The following STARD13 variants were observed in gnomAD, a reference collection of about 807,000 sequenced individuals.
STARD13 encodes the protein StAR related lipid transfer domain containing 13, also known as stAR-related lipid transfer protein 13.
Under a neutral mutation model 106.4 loss-of-function variants are expected in STARD13, and 62 were observed. That is an observed-to-expected ratio of 0.58 (90% confidence interval 0.48 to 0.72). The LOEUF is 0.72. Among genes scored for constraint, STARD13 ranks in the 30% least tolerant of loss-of-function variants. The probability of loss-of-function intolerance (pLI) is 0.00; values close to 1 mark genes in which losing one functional copy is unlikely to be tolerated. For missense variants in STARD13, 1,387 were observed against 1,424.0 expected (o/e 0.97, Z 0.42); for synonymous variants, 565 against 553.0 (o/e 1.02, Z -0.31).
At chr13:33,364,868 G>A in the STARD13 span, among the ~76,000 whole-genome samples, 6 of 151,808 alleles carry the variant, frequency 4.0e-5, no homozygotes, top group Admixed American at 6.6e-5. Flanking sequence ...CAGCCTGGGA[G>A]ACAGAGCGAG....
At chr13:33,468,740 C>A in the STARD13 span, among the ~76,000 whole-genome samples, 2 of 152,122 alleles carry the variant, frequency 1.3e-5, no homozygotes, top group African/African-American at 4.8e-5. Context: ...TATAAGTTAC[C>A]CAGTTCCATG....
At chr13:33,659,228 T>C in the STARD13 span, among the ~76,000 whole-genome samples, 39 of 54,056 alleles carry the variant, frequency 7.2e-4, no homozygotes, top group African/African-American at 1.6e-3. Context: ...TTCTTTTTTT[T>C]TTTTTTTTAT....
chr13:33,429,493 C>T, the STARD13 span, among the ~76,000 whole-genome samples: 1 of 150,174 alleles, frequency 6.7e-6, no homozygotes, highest in Non-Finnish European at 1.5e-5. Context: ...CACTGCACTC[C>T]AGCCTGGGTG....
chr13:33,581,956 C>T, the STARD13 span, among the ~76,000 whole-genome samples: 1 of 152,258 alleles, frequency 6.6e-6, no homozygotes, highest in South Asian at 2.1e-4. Context: ...AATGGTGGCT[C>T]ATGCCTGTAA....
intron 1 of STARD13, among the ~76,000 whole-genome samples, chr13:33,224,247 A>T (rs1594129659): frequency 6.6e-6 from 1 of 152,222 alleles, no homozygotes; most frequent in African/African-American, 2.4e-5. Flanking sequence ...TAATGCTCTC[A>T]TCTTTTCAGG....
At chr13:33,642,520 C>T in the STARD13 span, among the ~76,000 whole-genome samples, 1 of 152,184 alleles carries the variant, frequency 6.6e-6, no homozygotes, top group African/African-American at 2.4e-5. Flanking sequence ...AAACTTGTCT[C>T]TTCTTGAAGG....
chr13:33,662,298 C>G, the STARD13 span, among the ~76,000 whole-genome samples: 4 of 151,948 alleles, frequency 2.6e-5, no homozygotes, highest in Non-Finnish European at 5.9e-5. Context: ...CTTGCCCAAC[C>G]ACCAAACTAT....
the STARD13 span, among the ~76,000 whole-genome samples, chr13:33,443,285 G>A: frequency 6.6e-6 from 1 of 151,758 alleles, no homozygotes; most frequent in African/African-American, 2.4e-5. Flanking sequence ...GCTGAGGCAG[G>A]AGAATGCCTT....
chr13:33,350,240 GC>G (rs996723795), intron 1 of STARD13: 1 of 1,497,196 alleles, frequency 6.7e-7, no homozygotes, highest in African/African-American at 1.4e-5. Context: ...GGGCTACGGG[GC>G]CGGCGCCTCC....
At chr13:33,320,501 T>C (rs1157521781) in intron 1 of STARD13, among the ~76,000 whole-genome samples, 1 of 152,244 alleles carries the variant, frequency 6.6e-6, no homozygotes. Flanking sequence ...CTAACTAGCA[T>C]GGAAAATGGC....
the STARD13 span, among the ~76,000 whole-genome samples, chr13:33,499,607 CTTCTTCTTCTT>C: frequency 5.2e-4 from 31 of 59,748 alleles, 2 homozygotes; most frequent in African/African-American, 8.5e-4. Context: ...CTTCTTCTTT[CTTCTTCTTCTT>C]CTTCTTCTTC....
At position 33,118,193 on chromosome 13, in the gene STARD13, G is replaced by C; in HGVS notation, c.2153C>G (p.Pro718Arg). Residue 718 changes from proline (P) to arginine (R), a missense_variant, in exon 8 of 14, where the codon CCT (proline) becomes CGT (arginine). Transcript: ENST00000336934. ...CTGGTCTTCATAGTTGACGTTCTCA[G>C]GGAAGTTTTCATTCATTTGGCGAAG... ...HALRQMNENF[P>R]ENVNYEDQSA... is the part of the protein sequence containing the mutation. 6.2e-7 allele frequency: 1 copy of C among 1,614,192 alleles called. No individual in the cohort carries two copies. The highest frequency in any genetic ancestry group is 8.5e-7 in the Non-Finnish European group (1 of 1,180,032).
the STARD13 span, among the ~76,000 whole-genome samples, chr13:33,440,938 A>G: frequency 6.6e-6 from 1 of 150,912 alleles, no homozygotes; most frequent in Non-Finnish European, 1.5e-5. Context: ...TTGATTGCAC[A>G]TTTGCCTTTG....
At chr13:33,473,292 A>G in the STARD13 span, among the ~76,000 whole-genome samples, 1 of 152,232 alleles carries the variant, frequency 6.6e-6, no homozygotes, top group Non-Finnish European at 1.5e-5. Context: ...AGAATAGTAA[A>G]TATCATCCAC....
intron 1 of STARD13, among the ~76,000 whole-genome samples, chr13:33,349,394 C>G (rs928055603): frequency 5.3e-5 from 8 of 152,172 alleles, no homozygotes; most frequent in Non-Finnish European, 1.2e-4. Context: ...GCCACGTTCC[C>G]TTATTGGGGC....
chr13:33,406,024 T>C, the STARD13 span, among the ~76,000 whole-genome samples: 4 of 152,240 alleles, frequency 2.6e-5, no homozygotes, highest in African/African-American at 9.6e-5. Flanking sequence ...CTTTTATCTA[T>C]ATGAGAAAAA....
the STARD13 span, among the ~76,000 whole-genome samples, chr13:33,592,228 A>G: frequency 1.3e-5 from 2 of 152,212 alleles, no homozygotes. Context: ...GCCTTAAAAT[A>G]TAAGTTTTTG....
intron 4 of STARD13, among the ~76,000 whole-genome samples, chr13:33,140,410 G>C (rs1192663315): frequency 6.6e-6 from 1 of 152,230 alleles, no homozygotes; most frequent in African/African-American, 2.4e-5. Flanking sequence ...TTCAAATAGT[G>C]TGTATGCTTC....
intron 1 of STARD13, among the ~76,000 whole-genome samples, chr13:33,305,305 C>T (rs189816290): frequency 6.6e-6 from 1 of 152,198 alleles, no homozygotes; most frequent in East Asian, 1.9e-4. Context: ...GAAGAACTGA[C>T]AGATAAAGAT....
Sources: gnomAD v4.1 joint callset for allele counts (sites outside exome capture counted in the v4.1 genomes callset) on GRCh38, gnomAD v4.1.1 for gene constraint, MANE v1.5 for transcripts, NCBI Gene and HGNC (gene_info 2026-07-23, HGNC 2026-07-21) for gene names.